The following CCDC146 variants were observed in gnomAD, a reference collection of about 807,000 sequenced individuals.
The protein encoded by CCDC146 is coiled-coil domain-containing protein 146.
In CCDC146, 92 loss-of-function variants were observed where a neutral mutation model predicts 119.3. That is an observed-to-expected ratio of 0.77 (90% CI 0.65 to 0.92). The LOEUF (loss-of-function observed/expected upper bound fraction) is 0.92. Among genes scored for constraint, CCDC146 ranks in the 40% least tolerant of loss-of-function variants. CCDC146 has a pLI of 0.00. For synonymous variants in CCDC146, 372 were observed against 371.8 expected (o/e 1.00, Z -0.01); for missense variants, 1,000 against 1,103.0 (o/e 0.91, Z 1.32).
At chr7:77,152,344 A>T (rs1187144078) in intron 1 of CCDC146, among the ~76,000 whole-genome samples, 1 of 152,232 alleles carries the variant, frequency 6.6e-6, no homozygotes, top group Non-Finnish European at 1.5e-5. Context: ...GGAAGAAAAT[A>T]AATTGAGTAA....
chr7:77,256,859 C>G (rs1419648341), intron 6 of CCDC146, among the ~76,000 whole-genome samples: 3 of 152,202 alleles, frequency 2.0e-5, no homozygotes, highest in African/African-American at 7.2e-5. Context: ...AATCCCAGCA[C>G]TTTGTGAGGC....
At chr7:77,240,182 C>T (rs1318269439) in intron 3 of CCDC146, among the ~76,000 whole-genome samples, 1 of 152,206 alleles carries the variant, frequency 6.6e-6, no homozygotes, top group East Asian at 1.9e-4. Context: ...TCATTTATCC[C>T]CTTCTAGTAA....
At chr7:77,236,895 T>G (rs892223881) in intron 2 of CCDC146, 52 bp from the exon 3 acceptor site, 31 of 1,358,292 alleles carry the variant, frequency 2.3e-5, no homozygotes, top group Non-Finnish European at 3.1e-5. Flanking sequence ...CATCCCCTGC[T>G]TAAGCCTAAA....
At chr7:77,180,275 G>GAC (rs71531147) in intron 2 of CCDC146, among the ~76,000 whole-genome samples, 160 of 147,318 alleles carry the variant, frequency 1.1e-3, no homozygotes, top group South Asian at 3.9e-3. Context: ...ACCATACACA[G>GAC]ACACACACAC....
At chr7:77,176,359 G>A (rs903629996) in intron 2 of CCDC146, among the ~76,000 whole-genome samples, 1 of 151,182 alleles carries the variant, frequency 6.6e-6, no homozygotes, top group African/African-American at 2.5e-5. Flanking sequence ...GAAAAAAGGA[G>A]TGAATACATT....
intron 4 of CCDC146, among the ~76,000 whole-genome samples, chr7:77,253,071 A>G (rs1054947930): frequency 6.6e-5 from 10 of 152,232 alleles, no homozygotes; most frequent in Non-Finnish European, 1.5e-5. Flanking sequence ...TTAGCCAATG[A>G]CAGGATAGAA....
intron 2 of CCDC146, among the ~76,000 whole-genome samples, chr7:77,228,331 C>T (rs536379798): frequency 1.3e-5 from 2 of 152,232 alleles, no homozygotes; most frequent in African/African-American, 4.8e-5. Flanking sequence ...TCTGACAGGC[C>T]CCAGTGTGTG....
chr7:77,170,029 A>T (rs1324122092), intron 2 of CCDC146, among the ~76,000 whole-genome samples: 1 of 152,158 alleles, frequency 6.6e-6, no homozygotes, highest in African/African-American at 2.4e-5. Context: ...TTTATTTTAG[A>T]TACAGGGCAT....
At chr7:77,145,134 G>T (rs1374554798) in intron 1 of CCDC146, among the ~76,000 whole-genome samples, 1 of 151,606 alleles carries the variant, frequency 6.6e-6, no homozygotes, top group Non-Finnish European at 1.5e-5. Flanking sequence ...ACTTCTTCCT[G>T]GTTTAGTCTT....
At chr7:77,184,079 C>A in intron 2 of CCDC146, among the ~76,000 whole-genome samples, 1 of 152,184 alleles carries the variant, frequency 6.6e-6, no homozygotes, top group Non-Finnish European at 1.5e-5. Context: ...GCCAGCTGAG[C>A]CCCCAAAGGG....
intron 2 of CCDC146, among the ~76,000 whole-genome samples, chr7:77,221,007 C>T (rs1792393712): frequency 6.6e-6 from 1 of 152,208 alleles, no homozygotes; most frequent in South Asian, 2.1e-4. Flanking sequence ...TTACTCATGG[C>T]GGAAGGCAAA....
intron 11 of CCDC146, among the ~76,000 whole-genome samples, chr7:77,278,388 C>G (rs1006202163): frequency 1.3e-5 from 2 of 150,430 alleles, no homozygotes; most frequent in Non-Finnish European, 2.9e-5. Flanking sequence ...TTTCAGATCT[C>G]TTTTACCCTT....
chr7:77,148,373 C>T (rs1029201799), intron 1 of CCDC146, among the ~76,000 whole-genome samples: 2 of 152,120 alleles, frequency 1.3e-5, no homozygotes, highest in African/African-American at 4.8e-5. Context: ...GAGGCGATGC[C>T]TCACCCTGCT....
chr7:77,273,708 CA>C lies in CCDC146; in HGVS notation c.1191del (p.Asp398MetfsTer18). On this transcript the variant is annotated frameshift_variant, in exon 10 of 19. Transcript: ENST00000285871. LOFTEE classifies it high-confidence loss of function. ...RLLLEMEAIP[K>X]DDSTLSERRR... ...TTGATTTCCAGATGGAAGCTATCCCCAAAGATGATTCTACATTATCTGAGAG... is the reference window on the plus strand; with the variant it reads ...TTGATTTCCAGATGGAAGCTATCCCCAAGATGATTCTACATTATCTGAGAG... The C allele has an allele frequency of 1.2e-6, 2 of 1,608,698 alleles. No individual in the cohort carries two copies. Among genetic ancestry groups the C allele is most frequent in the South Asian group, 1.1e-5 (1 of 90,360 alleles).
chr7:77,201,345 C>G (rs977779186), intron 2 of CCDC146, among the ~76,000 whole-genome samples: 3 of 150,246 alleles, frequency 2.0e-5, no homozygotes, highest in African/African-American at 7.4e-5. Context: ...AGTTTGAGAC[C>G]AACCTGGCCA....
At position 77,274,595 on chromosome 7, in the gene CCDC146, G is replaced by T; in HGVS notation, c.1383G>T (p.Met461Ile). 1 of 1,613,150 alleles carries T rather than the reference G, an allele frequency of 6.2e-7. No homozygotes were observed. Among genetic ancestry groups the T allele is most frequent in the South Asian group, 1.1e-5 (1 of 90,904 alleles). ...AGCTAGTAGTCAACCTTCTCCGCAT[G>T]ACTCAAATCAAAATTGATGAAAAGG... ...MKELVVNLLR[M>I]TQIKIDEKEQ... is the part of the protein sequence containing the mutation. The change falls in exon 11 of 19, where the codon ATG (methionine) becomes ATT (isoleucine). Residue 461 changes from methionine to isoleucine, a missense_variant. Coordinates refer to ENST00000285871, the MANE Select transcript of CCDC146 (RefSeq NM_020879.3).
intron 3 of CCDC146, among the ~76,000 whole-genome samples, chr7:77,240,978 TTTTGTTTGTTTG>T (rs748192799): frequency 1.3e-5 from 2 of 150,856 alleles, no homozygotes; most frequent in South Asian, 2.1e-4. Flanking sequence ...TTTTGTTTTT[TTTTGTTTGTTTG>T]TTTGTTTGTT....
chr7:77,204,123 T>C (rs1335636381), intron 2 of CCDC146, among the ~76,000 whole-genome samples: 1 of 152,184 alleles, frequency 6.6e-6, no homozygotes, highest in African/African-American at 2.4e-5. Flanking sequence ...CTTTCACTGA[T>C]ATTAAGCTTA....
At chr7:77,268,613 G>A (rs1298546173) in intron 9 of CCDC146, among the ~76,000 whole-genome samples, 1 of 152,066 alleles carries the variant, frequency 6.6e-6, no homozygotes, top group Non-Finnish European at 1.5e-5. Context: ...TTGGAGGAGG[G>A]GACATGCCTT....
Sources: allele counts gnomAD v4.1 joint callset (sites outside exome capture counted in the v4.1 genomes callset), GRCh38; gene constraint gnomAD v4.1.1; transcripts MANE v1.5; gene names NCBI Gene and HGNC (gene_info 2026-07-23, HGNC 2026-07-21).